The following GALNT13 variants were observed in gnomAD, a reference collection of about 807,000 sequenced individuals.
GALNT13 encodes the protein UDP-GalNAc:polypeptide N-acetylgalactosaminyltransferase 13.
Under a neutral mutation model 64.2 loss-of-function variants are expected in GALNT13, and 28 were observed. That is an observed-to-expected ratio of 0.44 (90% CI 0.32 to 0.60). The LOEUF is 0.60. GALNT13 is among the 20% of genes least tolerant of loss of function. GALNT13 has a pLI of 0.05. For missense variants in GALNT13, 577 were observed against 669.8 expected (o/e 0.86, Z 1.53); for synonymous variants, 214 against 224.6 (o/e 0.95, Z 0.42).
intron 3 of GALNT13, among the ~76,000 whole-genome samples, chr2:154,068,031 C>A (rs1240316104): frequency 1.3e-5 from 2 of 151,888 alleles, no homozygotes; most frequent in African/African-American, 2.4e-5. Flanking sequence ...ATCTAATAAT[C>A]CATTTAAAAA....
the GALNT13 span, among the ~76,000 whole-genome samples, chr2:153,312,300 C>T: frequency 1.3e-5 from 2 of 152,268 alleles, no homozygotes; most frequent in African/African-American, 4.8e-5. Context: ...TGAATTAAGG[C>T]TTCCATGACA....
chr2:153,999,754 T>G (rs1450221581), intron 3 of GALNT13, among the ~76,000 whole-genome samples: 1 of 152,028 alleles, frequency 6.6e-6, no homozygotes, highest in East Asian at 1.9e-4. Context: ...TTATGTTTAT[T>G]AGTGATACTG....
the GALNT13 span, among the ~76,000 whole-genome samples, chr2:153,388,399 G>A: frequency 2.0e-5 from 3 of 152,052 alleles, no homozygotes; most frequent in Admixed American, 1.3e-4. Context: ...TGTCTCATGA[G>A]ACGACTTCCC....
chr2:154,146,442 A>G (rs1269108197), intron 4 of GALNT13, among the ~76,000 whole-genome samples: 1 of 152,070 alleles, frequency 6.6e-6, no homozygotes, highest in Admixed American at 6.6e-5. Flanking sequence ...TCTAAAAAAA[A>G]GTGGTATTAT....
chr2:153,678,156 AATATAT>A, the GALNT13 span, among the ~76,000 whole-genome samples: 8 of 145,626 alleles, frequency 5.5e-5, no homozygotes, highest in African/African-American at 7.5e-5. Context: ...CCGACAAATG[AATATAT>A]ATATATATAT....
the GALNT13 span, among the ~76,000 whole-genome samples, chr2:153,342,764 C>T: frequency 7.9e-5 from 12 of 152,328 alleles, no homozygotes; most frequent in East Asian, 2.3e-3. Context: ...TCTTCATGCT[C>T]ACCCTGGTTT....
chr2:153,928,237 A>C (rs1690286549), intron 2 of GALNT13, among the ~76,000 whole-genome samples: 1 of 152,146 alleles, frequency 6.6e-6, no homozygotes, highest in Non-Finnish European at 1.5e-5. Context: ...GATAAGAAAT[A>C]ACCACATTAT....
the GALNT13 span, among the ~76,000 whole-genome samples, chr2:153,534,941 G>A: frequency 6.7e-6 from 1 of 150,356 alleles, no homozygotes; most frequent in Non-Finnish European, 1.5e-5. Context: ...TGGGCTCAGA[G>A]GCCTGACATT....
At chr2:154,177,619 A>G (rs1487338550) in intron 4 of GALNT13, among the ~76,000 whole-genome samples, 4 of 152,210 alleles carry the variant, frequency 2.6e-5, no homozygotes, top group Non-Finnish European at 5.9e-5. Flanking sequence ...AAAGTAGCGC[A>G]TTAATGCAAG....
chr2:153,726,358 T>TC, the GALNT13 span, among the ~76,000 whole-genome samples: 2 of 152,178 alleles, frequency 1.3e-5, no homozygotes, highest in African/African-American at 4.8e-5. Flanking sequence ...AAGTTTTTTT[T>TC]CATGTGGAAT....
intron 8 of GALNT13, among the ~76,000 whole-genome samples, chr2:154,298,331 AG>A (rs1693050676): frequency 6.8e-6 from 1 of 147,826 alleles, no homozygotes. Context: ...AAATTGAGGA[AG>A]GGAAAGAACA....
chr2:154,309,340 G>C (rs1693908997), intron 9 of GALNT13, among the ~76,000 whole-genome samples: 1 of 151,922 alleles, frequency 6.6e-6, no homozygotes, highest in East Asian at 1.9e-4. Context: ...CCTTCATCCA[G>C]ACAACCTACT....
the GALNT13 span, among the ~76,000 whole-genome samples, chr2:153,412,102 C>T: frequency 6.6e-6 from 1 of 152,182 alleles, no homozygotes; most frequent in Non-Finnish European, 1.5e-5. Flanking sequence ...CCAACGGTCT[C>T]CAAGTTCTTC....
chr2:153,924,837 G>C (rs1053032896), intron 2 of GALNT13, among the ~76,000 whole-genome samples: 1 of 151,860 alleles, frequency 6.6e-6, no homozygotes, highest in Admixed American at 6.6e-5. Context: ...TTTCATGTTT[G>C]TTGGCCACAT....
At chr2:153,145,605 G>A in the GALNT13 span, among the ~76,000 whole-genome samples, 1 of 151,886 alleles carries the variant, frequency 6.6e-6, no homozygotes, top group East Asian at 1.9e-4. Flanking sequence ...TTCAGAGTGT[G>A]TGACTATCAG....
chr2:154,248,791 T>G (rs1573951985), intron 7 of GALNT13, among the ~76,000 whole-genome samples: 2 of 152,128 alleles, frequency 1.3e-5, no homozygotes, highest in East Asian at 3.9e-4. Context: ...CCTTCTAAAT[T>G]ATGTTCCTGA....
At chr2:153,276,162 A>G in the GALNT13 span, among the ~76,000 whole-genome samples, 2 of 152,152 alleles carry the variant, frequency 1.3e-5, no homozygotes, top group Non-Finnish European at 2.9e-5. Flanking sequence ...TATATAAAAC[A>G]TGGTTTAATA....
At chr2:153,157,988 A>G in the GALNT13 span, among the ~76,000 whole-genome samples, 2 of 152,292 alleles carry the variant, frequency 1.3e-5, no homozygotes, top group East Asian at 1.9e-4. Flanking sequence ...AATAGTTAAG[A>G]AAGTATTGAG....
At chr2:153,338,521 A>C in the GALNT13 span, among the ~76,000 whole-genome samples, 36,879 of 152,050 alleles carry the variant, frequency 0.24, 5,262 homozygotes, top group African/African-American at 0.38. Flanking sequence ...ATATATACTT[A>C]TGGTGTACAA....
Sources: allele counts gnomAD v4.1 joint callset (sites outside exome capture counted in the v4.1 genomes callset), GRCh38; gene constraint gnomAD v4.1.1; transcripts MANE v1.5; gene names NCBI Gene and HGNC (gene_info 2026-07-23, HGNC 2026-07-21).